The following MAF variants were observed in gnomAD, a reference collection of about 807,000 sequenced individuals.
The protein encoded by MAF is transcription factor Maf.
MAF carries 10 observed loss-of-function variants against 22.0 expected under a neutral mutation model. The observed-to-expected ratio is 0.45, with a 90% CI of 0.28 to 0.77. The LOEUF is 0.77. MAF is among the 30% of genes least tolerant of loss of function. The pLI, the probability that MAF is intolerant of heterozygous loss-of-function variation, is 0.12. For missense variants in MAF, 544 were observed against 548.4 expected, an observed-to-expected ratio of 0.99 and a Z score of 0.08; for synonymous variants, 337 against 255.8, an observed-to-expected ratio of 1.32 and a Z score of -3.03.
the MAF span, among the ~76,000 whole-genome samples, chr16:79,305,310 C>A: frequency 6.6e-6 from 1 of 152,194 alleles, no homozygotes; most frequent in East Asian, 1.9e-4. Flanking sequence ...ACTACCGACC[C>A]GCCTGTGCTC....
the MAF span, among the ~76,000 whole-genome samples, chr16:79,216,041 C>A: frequency 1.3e-5 from 2 of 152,202 alleles, no homozygotes; most frequent in Non-Finnish European, 2.9e-5. Context: ...GACAGGTGAG[C>A]AAGTGCATGG....
chr16:79,440,391 G>A, the MAF span, among the ~76,000 whole-genome samples: 1 of 152,214 alleles, frequency 6.6e-6, no homozygotes, highest in African/African-American at 2.4e-5. Flanking sequence ...AGGTGCATGA[G>A]TACATGGTGC....
chr16:79,515,475 C>T, the MAF span, among the ~76,000 whole-genome samples: 15 of 152,254 alleles, frequency 9.9e-5, no homozygotes, highest in South Asian at 6.2e-4. Flanking sequence ...ACAGACTTTG[C>T]GTTTGATGAT....
chr16:79,494,827 T>C, the MAF span, among the ~76,000 whole-genome samples: 1 of 152,194 alleles, frequency 6.6e-6, no homozygotes. Context: ...CTCTGGGACA[T>C]CTGACAAACT....
the MAF span, among the ~76,000 whole-genome samples, chr16:79,540,640 C>A: frequency 6.6e-6 from 1 of 152,184 alleles, no homozygotes. Flanking sequence ...GTGTCTGCTT[C>A]CCGGTGCATG....
At chr16:79,550,791 A>T in the MAF span, among the ~76,000 whole-genome samples, 1 of 151,986 alleles carries the variant, frequency 6.6e-6, no homozygotes, top group African/African-American at 2.4e-5. Flanking sequence ...CACATAAAAG[A>T]TTTGTTCTGT....
the MAF span, among the ~76,000 whole-genome samples, chr16:79,443,876 T>C: frequency 2.6e-5 from 4 of 151,834 alleles, no homozygotes; most frequent in African/African-American, 7.2e-5. Context: ...ACACACGGAA[T>C]ATGTCCCGCA....
chr16:79,400,249 G>C, the MAF span, among the ~76,000 whole-genome samples: 1 of 152,224 alleles, frequency 6.6e-6, no homozygotes, highest in African/African-American at 2.4e-5. Context: ...CCCTGGGCTA[G>C]AGAACATCCC....
At chr16:79,435,474 G>A in the MAF span, among the ~76,000 whole-genome samples, 1 of 152,136 alleles carries the variant, frequency 6.6e-6, no homozygotes, top group Admixed American at 6.6e-5. Context: ...ACTATTCATT[G>A]AGCTTGTACT....
the MAF span, among the ~76,000 whole-genome samples, chr16:79,448,921 C>T: frequency 0.014 from 2,146 of 152,196 alleles, 51 homozygotes; most frequent in African/African-American, 0.049. Context: ...AAGCACATTA[C>T]ATTTATTGTG....
At chr16:79,490,407 T>G in the MAF span, among the ~76,000 whole-genome samples, 2 of 152,214 alleles carry the variant, frequency 1.3e-5, no homozygotes, top group Non-Finnish European at 2.9e-5. Flanking sequence ...GTGGAGATGC[T>G]GTAGAGGGGA....
chr16:79,228,594 T>C, the MAF span, among the ~76,000 whole-genome samples: 1 of 152,116 alleles, frequency 6.6e-6, no homozygotes, highest in African/African-American at 2.4e-5. Flanking sequence ...CACTGGCTCA[T>C]GCCCTTTTCA....
the MAF span, among the ~76,000 whole-genome samples, chr16:79,539,394 T>C: frequency 1.3e-5 from 2 of 151,752 alleles, no homozygotes; most frequent in Admixed American, 6.6e-5. Context: ...TCCCAACTAC[T>C]AGAGGGGGCT....
chr16:79,596,399 T>A (rs1913525913), intron 1 of MAF: 1 of 1,057,668 alleles, frequency 9.5e-7, no homozygotes, highest in African/African-American at 1.7e-5. Flanking sequence ...ATCCTTCCAC[T>A]GGAGAAAAGG....
the MAF span, among the ~76,000 whole-genome samples, chr16:79,247,858 T>C: frequency 2.0e-5 from 3 of 152,236 alleles, no homozygotes; most frequent in Admixed American, 1.3e-4. Context: ...TTTGCTAAAA[T>C]AATTATATTA....
At chr16:79,285,277 C>T in the MAF span, among the ~76,000 whole-genome samples, 1 of 152,096 alleles carries the variant, frequency 6.6e-6, no homozygotes, top group African/African-American at 2.4e-5. Context: ...TACGGCCCCC[C>T]TTTCGTTAGG....
downstream of MAF, among the ~76,000 whole-genome samples, chr16:79,583,882 T>C (rs577923571): frequency 6.6e-6 from 1 of 152,332 alleles, no homozygotes; most frequent in East Asian, 1.9e-4. Context: ...TTGTTGTCTA[T>C]GTTAATCTTC....
chr16:79,383,226 G>C, the MAF span, among the ~76,000 whole-genome samples: 9 of 152,270 alleles, frequency 5.9e-5, no homozygotes, highest in East Asian at 1.2e-3. Flanking sequence ...GGACTGGGGT[G>C]GGGGCAGGGT....
At chr16:79,535,725 G>C in the MAF span, among the ~76,000 whole-genome samples, 157 of 151,714 alleles carry the variant, frequency 1.0e-3, 1 homozygote, top group African/African-American at 3.7e-3. Context: ...AGCCTCCTGA[G>C]TAGCTGGGAC....
Sources: allele counts gnomAD v4.1 joint callset (sites outside exome capture counted in the v4.1 genomes callset), GRCh38; gene constraint gnomAD v4.1.1; transcripts MANE v1.5; gene names NCBI Gene and HGNC (gene_info 2026-07-23, HGNC 2026-07-21).